The following COLGALT2 variants were observed in gnomAD, a reference collection of about 807,000 sequenced individuals.
COLGALT2 encodes the protein procollagen galactosyltransferase 2.
A neutral mutation model predicts 73.4 loss-of-function variants in COLGALT2; 49 were observed. That is an observed-to-expected ratio of 0.67 (90% confidence interval 0.53 to 0.85). The LOEUF (loss-of-function observed/expected upper bound fraction) is 0.85. Ranked by LOEUF, COLGALT2 falls within the 40% of genes least tolerant of loss-of-function variation. The pLI is 0.00. For missense variants in COLGALT2, 722 were observed against 790.2 expected (o/e 0.91, Z 1.03); for synonymous variants, 295 against 307.6 (o/e 0.96, Z 0.43).
intron 9 of COLGALT2, among the ~76,000 whole-genome samples, chr1:183,944,687 T>TG (rs533640195): frequency 9.3e-4 from 140 of 150,770 alleles, no homozygotes; most frequent in Middle Eastern, 3.4e-3. Flanking sequence ...CAGTACGGGG[T>TG]GGGGGGGTGC....
chr1:183,952,295 G>T (rs1670421887), intron 7 of COLGALT2, among the ~76,000 whole-genome samples: 1 of 152,190 alleles, frequency 6.6e-6, no homozygotes, highest in African/African-American at 2.4e-5. Flanking sequence ...GAAACCTATA[G>T]AAACAAGTCA....
At chr1:183,959,661 C>G (rs937514738) in intron 6 of COLGALT2, among the ~76,000 whole-genome samples, 5 of 151,970 alleles carry the variant, frequency 3.3e-5, no homozygotes, top group African/African-American at 1.2e-4. Context: ...AATCTAGTAT[C>G]CTCACCACAG....
chr1:183,976,999 T>C (rs563884112), intron 2 of COLGALT2, among the ~76,000 whole-genome samples: 1 of 152,306 alleles, frequency 6.6e-6, no homozygotes, highest in South Asian at 2.1e-4. Context: ...ACATTTTCTT[T>C]TGGTGCTAAA....
downstream of COLGALT2, among the ~76,000 whole-genome samples, chr1:183,935,122 C>G (rs1310150506): frequency 6.6e-6 from 1 of 152,216 alleles, no homozygotes; most frequent in Non-Finnish European, 1.5e-5. Flanking sequence ...CTGTGCCCAG[C>G]CCTCCTCCCT....
Position 183,937,497 on chromosome 1 carries a change from C to T in COLGALT2, c.*1264G>A. 1.0e-6 allele frequency: 1 copy of T among 985,460 alleles called. No homozygotes were observed. Among genetic ancestry groups the T allele is most frequent in the Non-Finnish European group, 1.2e-6 (1 of 829,984 alleles). The allele number at this position is 985,460 out of a possible 1,614,324, so 61.0% of individuals were successfully genotyped here. ...GGGTGTCCGCCTGGGATTCTAAGAG[C>T]TTCCCTGGTTGCTGGCCTAAATCAG... is the stretch of plus-strand genomic sequence containing the variant. On this transcript the variant is annotated 3_prime_UTR_variant, in exon 12 of 12. Transcript: ENST00000361927.
chr1:183,935,984 G>T lies in COLGALT2; in HGVS notation c.*2777C>A, dbSNP rs146360159. 1.9e-3 allele frequency: 1,857 copies of T among 982,972 alleles called. 6 individuals carry two copies. The highest frequency in any genetic ancestry group is 6.3e-3 in the African/African-American group (359 of 57,102). 60.9% of individuals were successfully genotyped at this position (982,972 alleles called of 1,614,324 possible). A position where few individuals can be genotyped will look rare whatever the true frequency, so the allele number is the denominator to read the frequency against. Reference sequence around the variant, plus strand: ...TTCTCAGAGCTCCTGCAGCAGGCCTGAATGAACCGCAAGCGGGGCCCATGC... The same window carrying T: ...TTCTCAGAGCTCCTGCAGCAGGCCTTAATGAACCGCAAGCGGGGCCCATGC... On this transcript the variant is annotated 3_prime_UTR_variant, in exon 12 of 12. Transcript: ENST00000361927.
chr1:183,932,664 C>T (rs1025583221), downstream of COLGALT2, among the ~76,000 whole-genome samples: 3 of 152,230 alleles, frequency 2.0e-5, no homozygotes, highest in Admixed American at 6.5e-5. Context: ...CTCACAGAGA[C>T]GGGGATGTGG....
At chr1:183,934,730 T>C (rs571231175), downstream of COLGALT2, among the ~76,000 whole-genome samples, 23 of 152,324 alleles carry the variant, frequency 1.5e-4, no homozygotes, top group Non-Finnish European at 3.1e-4. Flanking sequence ...CATCTTTATT[T>C]TATAGTTACT....
At chr1:184,036,252 A>G (rs1557870290) in intron 1 of COLGALT2, among the ~76,000 whole-genome samples, 2 of 152,224 alleles carry the variant, frequency 1.3e-5, no homozygotes, top group African/African-American at 2.4e-5. Flanking sequence ...CGTTTATAAA[A>G]GGTGCGAGAC....
intron 1 of COLGALT2, among the ~76,000 whole-genome samples, chr1:183,984,445 TCA>T (rs1671434379): frequency 6.6e-6 from 1 of 152,162 alleles, no homozygotes; most frequent in South Asian, 2.1e-4. Context: ...CAAGGAGAGC[TCA>T]GCTCTTGAGC....
intron 8 of COLGALT2, 57 bp downstream of exon 8, chr1:183,950,950 G>A: frequency 7.8e-7 from 1 of 1,283,680 alleles, no homozygotes; most frequent in Non-Finnish European, 1.1e-6. Context: ...CTCTCTGTCA[G>A]AGAAGACACA....
intron 2 of COLGALT2, among the ~76,000 whole-genome samples, chr1:183,975,857 G>A (rs1354473674): frequency 1.3e-5 from 2 of 152,180 alleles, no homozygotes; most frequent in Non-Finnish European, 1.5e-5. Context: ...GCACCCAGCT[G>A]GCACGGACAT....
chr1:183,948,141 G>T (rs746073579), intron 8 of COLGALT2, among the ~76,000 whole-genome samples: 6 of 152,012 alleles, frequency 3.9e-5, no homozygotes, highest in Non-Finnish European at 8.8e-5. Context: ...CTTCACTAGG[G>T]GTTTCTGCCA....
chr1:184,021,534 A>T (rs1316697771), intron 1 of COLGALT2, among the ~76,000 whole-genome samples: 1 of 152,160 alleles, frequency 6.6e-6, no homozygotes, highest in Non-Finnish European at 1.5e-5. Flanking sequence ...CTACCACCAT[A>T]GAATGATGTA....
chr1:184,017,340 T>C (rs988911398), intron 1 of COLGALT2, among the ~76,000 whole-genome samples: 1 of 152,234 alleles, frequency 6.6e-6, no homozygotes, highest in African/African-American at 2.4e-5. Flanking sequence ...AGTCATTCAC[T>C]TGAAATTTTT....
At chr1:184,004,880 G>A (rs938574319) in intron 1 of COLGALT2, among the ~76,000 whole-genome samples, 15 of 152,278 alleles carry the variant, frequency 9.9e-5, no homozygotes, top group African/African-American at 3.4e-4. Context: ...TCCTTCCCTC[G>A]AGGGATCGGT....
At chr1:183,981,969 A>C (rs1235442834) in intron 1 of COLGALT2, among the ~76,000 whole-genome samples, 1 of 152,226 alleles carries the variant, frequency 6.6e-6, no homozygotes, top group Admixed American at 6.5e-5. Context: ...GTAATATTTG[A>C]AAATATTATC....
chr1:184,004,225 G>C (rs567600688), intron 1 of COLGALT2, among the ~76,000 whole-genome samples: 1 of 152,174 alleles, frequency 6.6e-6, no homozygotes, highest in South Asian at 2.1e-4. Context: ...GATGTAAAAG[G>C]TTGTCACTCT....
At chr1:183,983,078 T>G (rs1318486913) in intron 1 of COLGALT2, among the ~76,000 whole-genome samples, 3 of 152,242 alleles carry the variant, frequency 2.0e-5, no homozygotes, top group African/African-American at 7.2e-5. Context: ...TAAAAACAGA[T>G]GCACAGATTT....
Sources: allele counts gnomAD v4.1 joint callset (sites outside exome capture counted in the v4.1 genomes callset), GRCh38; gene constraint gnomAD v4.1.1; transcripts MANE v1.5; gene names NCBI Gene and HGNC (gene_info 2026-07-23, HGNC 2026-07-21).